RBMS1: variants seen among roughly 807,000 people sequenced by gnomAD.
The protein encoded by RBMS1 is RNA binding motif single stranded interacting protein 1.
RBMS1 carries 17 observed loss-of-function variants against 62.3 expected under a neutral mutation model. That is an observed-to-expected ratio of 0.27 (90% CI 0.19 to 0.41). The LOEUF (loss-of-function observed/expected upper bound fraction) is 0.41, where lower values mean the gene tolerates loss of function less well. Ranked by LOEUF, RBMS1 falls within the 10% of genes least tolerant of loss-of-function variation. The pLI is 1.00. For synonymous variants in RBMS1, 172 were observed against 170.0 expected, an observed-to-expected ratio of 1.01 and a Z score of -0.09; for missense variants, 334 against 504.5, an observed-to-expected ratio of 0.66 and a Z score of 3.24.
rs1006936440 is a variant in RBMS1 at position 160,319,436 on chromosome 2, G to A, written c.252-1209C>T. Among the ~76,000 whole-genome samples the A allele has an allele frequency of 8.5e-5, 13 of 152,130 alleles. No individual in the cohort carries two copies. In the South Asian group the frequency reaches 1.5e-3, roughly 17 times the overall value. On this transcript the variant is annotated intron_variant, in intron 2 of 13. Coordinates refer to ENST00000348849, the MANE Select transcript of RBMS1 (RefSeq NM_016836.4). ...CTGAGACAGGAGAATCGCATGAACCGGGGAGGCGGAGATTGCAGTGAGCCG... is the reference window on the plus strand; with the variant it reads ...CTGAGACAGGAGAATCGCATGAACCAGGGAGGCGGAGATTGCAGTGAGCCG...
intron 1 of RBMS1, among the ~76,000 whole-genome samples, chr2:160,396,135 C>G (rs1199120259): frequency 6.6e-6 from 1 of 152,042 alleles, no homozygotes; most frequent in African/African-American, 2.4e-5. Context: ...CTGGGATCCA[C>G]ACCAATGTCC....
chr2:160,319,622 A>G (rs1253765768), intron 2 of RBMS1, among the ~76,000 whole-genome samples: 1 of 152,222 alleles, frequency 6.6e-6, no homozygotes, highest in Non-Finnish European at 1.5e-5. Context: ...TTTCCTAGAC[A>G]TTTACTTCAA....
intron 1 of RBMS1, among the ~76,000 whole-genome samples, chr2:160,397,430 C>T (rs1695206899): frequency 6.6e-6 from 1 of 152,098 alleles, no homozygotes; most frequent in South Asian, 2.1e-4. Context: ...GAGCCCTTTC[C>T]TGTAAGACTA....
intron 1 of RBMS1, among the ~76,000 whole-genome samples, chr2:160,492,097 C>T (rs915587889): frequency 1.3e-5 from 2 of 152,152 alleles, no homozygotes; most frequent in Non-Finnish European, 2.9e-5. Flanking sequence ...TTGTACCAGG[C>T]CGGAAATGCC....
rs1232402195 is a variant in RBMS1 at position 160,335,582 on chromosome 2, G to A, written c.252-17355C>T. On this transcript the variant is annotated intron_variant, in intron 2 of 13. Coordinates refer to ENST00000348849, the MANE Select transcript of RBMS1 (RefSeq NM_016836.4). The stretch of plus-strand genomic sequence containing the variant: ...GTATGTTTGGGTTTTCTTTTCATTT[G>A]TTCTCAAGTTCAGGAAGCACAGAAC... 2.0e-5 allele frequency among the ~76,000 whole-genome samples: 3 copies of A among 152,150 alleles called. No individual in the cohort carries two copies. In the East Asian group the frequency reaches 5.8e-4, roughly 29 times the overall value.
chr2:160,312,628 A>G (rs1457135943), intron 4 of RBMS1, among the ~76,000 whole-genome samples: 1 of 152,140 alleles, frequency 6.6e-6, no homozygotes, highest in African/African-American at 2.4e-5. Context: ...ATACCTAAAA[A>G]TGTCTCACTA....
chr2:160,287,810 T>C (rs1056154775), intron 6 of RBMS1, among the ~76,000 whole-genome samples: 2 of 152,122 alleles, frequency 1.3e-5, no homozygotes, highest in African/African-American at 4.8e-5. Context: ...CTAAAAATAC[T>C]TGTCCACCCT....
chr2:160,421,252 C>A (rs1696412480), intron 1 of RBMS1, among the ~76,000 whole-genome samples: 1 of 151,962 alleles, frequency 6.6e-6, no homozygotes, highest in Non-Finnish European at 1.5e-5. Context: ...CCCATTAACT[C>A]CTCATTTAAC....
intron 1 of RBMS1, among the ~76,000 whole-genome samples, chr2:160,422,901 C>T (rs1287985987): frequency 6.6e-6 from 1 of 152,148 alleles, no homozygotes; most frequent in Non-Finnish European, 1.5e-5. Context: ...CTATCCCATC[C>T]CAAGGAGAAT....
At chr2:160,447,770 G>C (rs1683718786) in intron 1 of RBMS1, among the ~76,000 whole-genome samples, 1 of 152,192 alleles carries the variant, frequency 6.6e-6, no homozygotes, top group Non-Finnish European at 1.5e-5. Flanking sequence ...AAAATCCAAA[G>C]ATCAAGAGAT....
chr2:160,364,833 G>A (rs979868241), intron 2 of RBMS1, among the ~76,000 whole-genome samples: 1 of 152,110 alleles, frequency 6.6e-6, no homozygotes, highest in African/African-American at 2.4e-5. Context: ...CAAGCCCCCT[G>A]CAGAGCCAAA....
chr2:160,275,453 A>C, intron 13 of RBMS1, 177 bp downstream of exon 13: 7 of 1,187,598 alleles, frequency 5.9e-6, no homozygotes, highest in Non-Finnish European at 7.7e-6. Flanking sequence ...CAAAATGATT[A>C]ATCTTAAATT....
chr2:160,277,214 C>G, intron 12 of RBMS1, 89 bp downstream of exon 12: 1 of 1,190,842 alleles, frequency 8.4e-7, no homozygotes, highest in Non-Finnish European at 1.2e-6. Context: ...AAATATTTGA[C>G]GTCTGGTAGA....
At chr2:160,455,926 G>A (rs1224503012) in intron 1 of RBMS1, among the ~76,000 whole-genome samples, 2 of 151,760 alleles carry the variant, frequency 1.3e-5, no homozygotes, top group Non-Finnish European at 2.9e-5. Flanking sequence ...CTCGTGATCC[G>A]CCCGCCTCGG....
At chr2:160,335,959 C>T (rs1691545068) in intron 2 of RBMS1, among the ~76,000 whole-genome samples, 1 of 152,126 alleles carries the variant, frequency 6.6e-6, no homozygotes, top group Non-Finnish European at 1.5e-5. Context: ...TTAATTCAAA[C>T]CTTTAGCCAA....
At chr2:160,397,232 C>G (rs1411561236) in intron 1 of RBMS1, among the ~76,000 whole-genome samples, 1 of 151,950 alleles carries the variant, frequency 6.6e-6, no homozygotes, top group Non-Finnish European at 1.5e-5. Context: ...AGCATTATTC[C>G]AAATCTTTTG....
At chr2:160,447,454 C>T (rs2105312008) in intron 1 of RBMS1, among the ~76,000 whole-genome samples, 1 of 152,312 alleles carries the variant, frequency 6.6e-6, no homozygotes, top group Non-Finnish European at 1.5e-5. Context: ...AAAGTCTATG[C>T]TTACTGATAT....
intron 1 of RBMS1, among the ~76,000 whole-genome samples, chr2:160,384,186 G>C (rs971141417): frequency 1.3e-5 from 2 of 152,154 alleles, no homozygotes; most frequent in Non-Finnish European, 2.9e-5. Flanking sequence ...GAGGGAGCGA[G>C]ACTCTGTCTC....
At chr2:160,458,578 C>T (rs1684336189) in intron 1 of RBMS1, among the ~76,000 whole-genome samples, 1 of 152,156 alleles carries the variant, frequency 6.6e-6, no homozygotes, top group Admixed American at 6.5e-5. Context: ...GGGTGGATCA[C>T]CTGGGGTCAG....
Sources: allele counts gnomAD v4.1 joint callset (sites outside exome capture counted in the v4.1 genomes callset), GRCh38; gene constraint gnomAD v4.1.1; transcripts MANE v1.5; gene names NCBI Gene and HGNC (gene_info 2026-07-23, HGNC 2026-07-21).